The following ZFHX3 variants were observed in gnomAD, a reference collection of about 807,000 sequenced individuals.
The protein encoded by ZFHX3 is zinc finger homeobox 3.
Under a neutral mutation model 279.1 loss-of-function variants are expected in ZFHX3, and 42 were observed. The ratio of observed to expected loss-of-function variants is 0.15; its 90% CI spans 0.12 to 0.19. The LOEUF (loss-of-function observed/expected upper bound fraction) is 0.19. Among genes scored for constraint, ZFHX3 ranks in the 10% least tolerant of loss-of-function variants. The pLI, the probability that ZFHX3 is intolerant of heterozygous loss-of-function variation, is 1.00. For missense variants in ZFHX3, 4,981 were observed against 4,754.0 expected, an observed-to-expected ratio of 1.05 and a Z score of -1.40; for synonymous variants, 2,293 against 1,957.8, an observed-to-expected ratio of 1.17 and a Z score of -4.52.
At chr16:73,425,322 T>C (rs931460149) in intron 3 of ZFHX3, among the ~76,000 whole-genome samples, 1 of 152,188 alleles carries the variant, frequency 6.6e-6, no homozygotes, top group Non-Finnish European at 1.5e-5. Flanking sequence ...AGCTCGGCCC[T>C]TACAGAATGA....
intron 5 of ZFHX3, among the ~76,000 whole-genome samples, chr16:73,191,483 A>G (rs1968032814): frequency 6.6e-6 from 1 of 152,174 alleles, no homozygotes; most frequent in African/African-American, 2.4e-5. Context: ...ACAACAGAAA[A>G]ACCCTCATCA....
chr16:73,138,732 G>A (rs769210775), intron 6 of ZFHX3, among the ~76,000 whole-genome samples: 3 of 152,068 alleles, frequency 2.0e-5, no homozygotes, highest in Non-Finnish European at 2.9e-5. Context: ...CTGTCACCCA[G>A]GCTGGAGTGC....
chr16:73,629,936 G>C (rs2052452591), intron 2 of ZFHX3, among the ~76,000 whole-genome samples: 1 of 152,118 alleles, frequency 6.6e-6, no homozygotes, highest in Non-Finnish European at 1.5e-5. Flanking sequence ...ATTTAAGCAA[G>C]CTCTTGATGT....
In ZFHX3 at chr16:72,797,393, C is replaced by T. The variant is rs746823409; in HGVS notation, c.5289G>A (p.Gln1763=). 2.5e-6 allele frequency: 4 copies of T among 1,608,700 alleles called. No individual in the cohort carries two copies. The South Asian group carries it at 3.4e-5, about 14-fold the overall frequency. The part of the protein sequence containing the change: ...QAHLQQELQQ[Q]AALIQSQLFN... ...ACAGCTGAGACTGGATCAGGGCAGC[C>T]TGTTGCTGCAGCTCCTGCTGCAGGT... is the stretch of plus-strand genomic sequence containing the variant. The change falls in exon 9 of 10, where the codon CAG becomes CAA. Residue 1763 remains glutamine, a synonymous_variant. Transcript: ENST00000268489.
At chr16:73,803,328 G>A (rs890772592) in intron 1 of ZFHX3, among the ~76,000 whole-genome samples, 37 of 152,304 alleles carry the variant, frequency 2.4e-4, no homozygotes, top group Middle Eastern at 3.4e-3. Context: ...TCAGTGTTGA[G>A]GTATATCAGT....
At chr16:73,746,097 A>T (rs903178795) in intron 1 of ZFHX3, among the ~76,000 whole-genome samples, 4 of 151,658 alleles carry the variant, frequency 2.6e-5, no homozygotes, top group African/African-American at 9.7e-5. Context: ...AAAGGGAGGG[A>T]AGGAAATGGG....
chr16:73,756,841 G>T (rs985348561), intron 1 of ZFHX3, among the ~76,000 whole-genome samples: 1 of 151,846 alleles, frequency 6.6e-6, no homozygotes, highest in Non-Finnish European at 1.5e-5. Context: ...TCTTTTCAGG[G>T]TATTGGTCCA....
intron 2 of ZFHX3, among the ~76,000 whole-genome samples, chr16:73,473,891 C>T (rs1003624076): frequency 6.6e-6 from 1 of 152,090 alleles, no homozygotes; most frequent in Non-Finnish European, 1.5e-5. Flanking sequence ...TTAAACAGAG[C>T]ACTCCGTTGG....
chr16:73,187,486 G>A (rs541819909), intron 5 of ZFHX3, among the ~76,000 whole-genome samples: 7 of 152,244 alleles, frequency 4.6e-5, no homozygotes, highest in African/African-American at 1.4e-4. Flanking sequence ...CTGCAATGCC[G>A]AGATGAGATA....
chr16:73,131,252 G>A (rs906388341), intron 6 of ZFHX3, among the ~76,000 whole-genome samples: 5 of 152,062 alleles, frequency 3.3e-5, no homozygotes, highest in African/African-American at 4.8e-5. Flanking sequence ...TATAATGAAT[G>A]CCTAAATATA....
intron 3 of ZFHX3, among the ~76,000 whole-genome samples, chr16:72,934,459 G>A (rs1960006450): frequency 6.6e-6 from 1 of 152,184 alleles, no homozygotes; most frequent in East Asian, 1.9e-4. Flanking sequence ...CCACAAGTAT[G>A]TGAGAAGAAG....
chr16:73,655,217 A>G (rs963714757), intron 2 of ZFHX3, among the ~76,000 whole-genome samples: 7 of 152,156 alleles, frequency 4.6e-5, no homozygotes, highest in Non-Finnish European at 8.8e-5. Flanking sequence ...CATCTTTGAG[A>G]TTTCCATCTT....
chr16:73,089,717 C>G (rs1164484766), intron 8 of ZFHX3, among the ~76,000 whole-genome samples: 1 of 152,192 alleles, frequency 6.6e-6, no homozygotes, highest in East Asian at 1.9e-4. Flanking sequence ...GACACAGAGC[C>G]TGAGGCACCA....
intron 2 of ZFHX3, among the ~76,000 whole-genome samples, chr16:73,654,970 C>G (rs1468890468): frequency 6.6e-6 from 1 of 151,524 alleles, no homozygotes; most frequent in Non-Finnish European, 1.5e-5. Context: ...AAGTAATTCC[C>G]CTGCCTCAGC....
intron 3 of ZFHX3, among the ~76,000 whole-genome samples, chr16:72,949,911 CTTT>C (rs774934563): frequency 6.9e-5 from 8 of 116,044 alleles, no homozygotes; most frequent in African/African-American, 2.3e-4. Context: ...ATTTTCTTTT[CTTT>C]TTTTTTTTTT....
At chr16:73,382,065 T>G (rs974925336) in intron 3 of ZFHX3, among the ~76,000 whole-genome samples, 53 of 152,348 alleles carry the variant, frequency 3.5e-4, no homozygotes, top group African/African-American at 1.2e-3. Context: ...TGGGCCATAG[T>G]TTGTCAACCT....
intron 7 of ZFHX3, among the ~76,000 whole-genome samples, chr16:73,117,949 T>C (rs1597163046): frequency 1.3e-5 from 2 of 152,204 alleles, no homozygotes; most frequent in African/African-American, 4.8e-5. Flanking sequence ...TCCAGAACCA[T>C]GTGAAATACA....
chr16:73,596,128 C>G (rs1486374917), intron 2 of ZFHX3, among the ~76,000 whole-genome samples: 11 of 151,984 alleles, frequency 7.2e-5, no homozygotes, highest in Non-Finnish European at 1.6e-4. Context: ...TCAAGCAATT[C>G]TCCTGCCTCG....
At chr16:73,034,566 A>G (rs1964831988) in intron 1 of ZFHX3, among the ~76,000 whole-genome samples, 1 of 152,142 alleles carries the variant, frequency 6.6e-6, no homozygotes, top group South Asian at 2.1e-4. Flanking sequence ...CCTGCCCCAA[A>G]CTAGCAACCC....
Sources: gnomAD v4.1 joint callset for allele counts (sites outside exome capture counted in the v4.1 genomes callset) on GRCh38, gnomAD v4.1.1 for gene constraint, MANE v1.5 for transcripts, NCBI Gene and HGNC (gene_info 2026-07-23, HGNC 2026-07-21) for gene names.